The following KCTD3 variants were observed in gnomAD, a reference collection of about 807,000 sequenced individuals.
KCTD3 encodes the protein BTB/POZ domain-containing protein KCTD3.
KCTD3 carries 41 observed loss-of-function variants against 85.8 expected under a neutral mutation model. The observed-to-expected ratio is 0.48, with a 90% CI of 0.37 to 0.62. The LOEUF is 0.62. KCTD3 is among the 20% of genes least tolerant of loss of function. The pLI is 0.00. For missense variants in KCTD3, 724 were observed against 989.9 expected, an observed-to-expected ratio of 0.73 and a Z score of 3.60; for synonymous variants, 338 against 345.4, an observed-to-expected ratio of 0.98 and a Z score of 0.24.
intron 8 of KCTD3, among the ~76,000 whole-genome samples, chr1:215,586,139 T>C (rs1019471672): frequency 1.3e-5 from 2 of 152,232 alleles, no homozygotes; most frequent in African/African-American, 4.8e-5. Flanking sequence ...TTTGTGTGTG[T>C]GTGCGTGTGT....
chr1:215,606,759 T>C (rs748931956), intron 13 of KCTD3, among the ~76,000 whole-genome samples: 4 of 152,062 alleles, frequency 2.6e-5, no homozygotes, highest in Admixed American at 1.3e-4. Context: ...TACTCAGTTA[T>C]GTTATTCTGC....
At chr1:215,578,287 G>T (rs1045860175) in intron 6 of KCTD3, among the ~76,000 whole-genome samples, 1 of 152,134 alleles carries the variant, frequency 6.6e-6, no homozygotes, top group African/African-American at 2.4e-5. Context: ...TAAAGAGCCA[G>T]ATAGATTTTG....
Position 215,604,114 on chromosome 1 carries a change from A to G in KCTD3, c.1139-18A>G. 2 of 1,586,938 alleles carry G rather than the reference A, an allele frequency of 1.3e-6. No homozygotes were observed. Among genetic ancestry groups the G allele is most frequent in the Non-Finnish European group, 1.7e-6 (2 of 1,168,082 alleles). ...TCGTTCCATAATGTATCACCTGTCA[A>G]CTCTTGACTTTATATAGGTGTCAGT... On this transcript the variant is annotated intron_variant, in intron 12 of 17. Transcript: ENST00000259154.
intron 15 of KCTD3, 116 bp from the exon 16 acceptor site, chr1:215,618,768 TAA>T: frequency 2.7e-6 from 2 of 751,908 alleles, no homozygotes; most frequent in East Asian, 2.8e-5. Context: ...AATGATTTTT[TAA>T]AAGTCTTTTC....
intron 14 of KCTD3, among the ~76,000 whole-genome samples, chr1:215,609,442 G>A (rs1301000781): frequency 6.6e-6 from 1 of 151,992 alleles, no homozygotes; most frequent in African/African-American, 2.4e-5. Flanking sequence ...GTGCCGGATC[G>A]TGGAAGGCAT....
At chr1:215,607,271 G>T (rs1655062219) in intron 13 of KCTD3, among the ~76,000 whole-genome samples, 1 of 151,648 alleles carries the variant, frequency 6.6e-6, no homozygotes, top group Non-Finnish European at 1.5e-5. Context: ...ATCATAAATG[G>T]CAAAATCAGT....
At position 215,620,724 on chromosome 1, in the gene KCTD3, G is replaced by T; in HGVS notation, c.*106G>T. On this transcript the variant is annotated 3_prime_UTR_variant, in exon 18 of 18. Coordinates refer to ENST00000259154, the MANE Select transcript of KCTD3 (RefSeq NM_016121.5). The stretch of plus-strand genomic sequence containing the variant: ...CACTAAAACTTTACAAGATAAAATT[G>T]GACTTCATTTAGTATCTTTTTAACA... 1.4e-6 allele frequency: 1 copy of T among 721,782 alleles called. No individual in the cohort carries two copies. Among genetic ancestry groups the T allele is most frequent in the Non-Finnish European group, 2.2e-6 (1 of 453,800 alleles). 44.7% of individuals were successfully genotyped at this position (721,782 alleles called of 1,614,324 possible).
chr1:215,612,468 G>T (rs1045841937), intron 15 of KCTD3, among the ~76,000 whole-genome samples: 1 of 151,888 alleles, frequency 6.6e-6, no homozygotes, highest in Non-Finnish European at 1.5e-5. Flanking sequence ...GTCTGTCTCC[G>T]TGAGAGTAGG....
chr1:215,579,827 G>T, intron 7 of KCTD3, 82 bp from the exon 8 acceptor site: 1 of 932,810 alleles, frequency 1.1e-6, no homozygotes. Context: ...AAAACAGGCA[G>T]AAGGCTGAAA....
intron 8 of KCTD3, among the ~76,000 whole-genome samples, chr1:215,585,923 T>C (rs1194900525): frequency 2.0e-5 from 3 of 152,186 alleles, no homozygotes; most frequent in Non-Finnish European, 4.4e-5. Context: ...TCCTTTTTTA[T>C]ATAATAGTGC....
intron 9 of KCTD3, among the ~76,000 whole-genome samples, chr1:215,589,352 C>T (rs564774958): frequency 6.6e-6 from 1 of 152,106 alleles, no homozygotes; most frequent in East Asian, 1.9e-4. Context: ...ACTATGTTGC[C>T]CAGGTCTTGA....
At chr1:215,574,707 AG>A (rs1659505302) in intron 3 of KCTD3, among the ~76,000 whole-genome samples, 1 of 152,222 alleles carries the variant, frequency 6.6e-6, no homozygotes, top group Admixed American at 6.5e-5. Context: ...ATCAATAATA[AG>A]ATCTCCACAA....
At chr1:215,597,483 A>T (rs1189426941) in intron 10 of KCTD3, among the ~76,000 whole-genome samples, 1 of 152,188 alleles carries the variant, frequency 6.6e-6, no homozygotes, top group Non-Finnish European at 1.5e-5. Context: ...ATCAACGTAG[A>T]CAGCTTTGGA....
At chr1:215,592,133 A>G (rs73085441) in intron 9 of KCTD3, among the ~76,000 whole-genome samples, 3,807 of 152,316 alleles carry the variant, frequency 0.025, 154 homozygotes, top group African/African-American at 0.085. Flanking sequence ...GTCATTTCCC[A>G]TGGGGTTCCT....
chr1:215,602,789 A>G (rs1025381564), intron 12 of KCTD3, among the ~76,000 whole-genome samples: 7 of 152,236 alleles, frequency 4.6e-5, no homozygotes, highest in African/African-American at 1.4e-4. Flanking sequence ...CTAAGAAACA[A>G]TTTGTATTCA....
rs1412210412 is a variant in KCTD3, at chr1:215,579,899, A to G, written c.536-10A>G. The G allele has an allele frequency of 6.2e-7, 1 of 1,603,580 alleles. No individual in the cohort carries two copies. The highest frequency in any genetic ancestry group is 8.5e-7 in the Non-Finnish European group (1 of 1,170,992). On this transcript the variant is annotated splice_polypyrimidine_tract_variant and intron_variant, in intron 7 of 17. Coordinates refer to ENST00000259154, the MANE Select transcript of KCTD3 (RefSeq NM_016121.5). ...AGAATGTAAAATATTTCTTTTTCCA[A>G]AATCAACAGGATTTCCTGTGGATCC...
intron 9 of KCTD3, among the ~76,000 whole-genome samples, chr1:215,588,089 T>A (rs1660079833): frequency 6.6e-6 from 1 of 152,140 alleles, no homozygotes. Flanking sequence ...ACAAATAACA[T>A]CAGTGGTTTT....
Position 215,579,990 on chromosome 1 carries a change from T to G in KCTD3, c.617T>G (p.Val206Gly). Residue 206 changes from valine (V) to glycine (G), a missense_variant, in exon 8 of 18, where the codon GTG (valine) becomes GGG (glycine). By Grantham distance (109) the Val-to-Gly change is moderately radical (BLOSUM62 -3). Around this residue, in one of 6 missense-constraint regions of KCTD3, gnomAD observed 106 missense variants for 98.2 expected, o/e 1.08. Coordinates refer to ENST00000259154, the MANE Select transcript of KCTD3 (RefSeq NM_016121.5). ...GTAGCTGCATATGCCCATTTTGCTG[T>G]GTGTTACAGGTAGTGTATAATTAAT... is the stretch of plus-strand genomic sequence containing the variant. ...WIVAAYAHFA[V>G]CYRIKESSGW... is the part of the protein sequence containing the mutation. 5.6e-6 allele frequency: 9 copies of G among 1,602,496 alleles called. No individual in the cohort carries two copies. Among genetic ancestry groups the G allele is most frequent in the Non-Finnish European group, 7.7e-6 (9 of 1,169,392 alleles).
chr1:215,583,620 T>C (rs1474691035), intron 8 of KCTD3, among the ~76,000 whole-genome samples: 2 of 152,142 alleles, frequency 1.3e-5, no homozygotes, highest in East Asian at 3.9e-4. Flanking sequence ...CAGCCTTATT[T>C]TACTCAGTCC....
Sources: allele counts gnomAD v4.1 joint callset (sites outside exome capture counted in the v4.1 genomes callset), GRCh38; gene constraint gnomAD v4.1.1; regional missense constraint gnomAD v4.1.1; transcripts MANE v1.5; gene names NCBI Gene and HGNC (gene_info 2026-07-23, HGNC 2026-07-21).